The following ALPL variants were observed in gnomAD, a reference collection of about 807,000 sequenced individuals.
ALPL encodes the protein alkaline phosphatase, tissue-nonspecific isozyme.
A neutral mutation model predicts 51.3 loss-of-function variants in ALPL; 42 were observed. That is an observed-to-expected ratio of 0.82 (90% CI 0.64 to 1.06). The LOEUF is 1.06. ALPL is among the 50% of genes least tolerant of loss of function. ALPL has a pLI of 0.00. For synonymous variants in ALPL, 279 were observed against 296.4 expected (o/e 0.94, Z 0.60); for missense variants, 589 against 709.4 (o/e 0.83, Z 1.93).
Position 21,577,743 on chromosome 1 carries a change from C to T in ALPL, c.*95C>T, listed in dbSNP as rs1338873876. On this transcript the variant is annotated 3_prime_UTR_variant, in exon 12 of 12. Coordinates refer to ENST00000374840, the MANE Select transcript of ALPL (RefSeq NM_000478.6). Reference sequence around the variant, plus strand: ...AGGGGCAGGGAGGTGGGGGCCTCCTCAGCCTCTGCAACTGCAAGAAAGGGG... The same window carrying T: ...AGGGGCAGGGAGGTGGGGGCCTCCTTAGCCTCTGCAACTGCAAGAAAGGGG... 6.8e-7 allele frequency: 1 copy of T among 1,462,648 alleles called. No individual in the cohort carries two copies. The highest frequency in any genetic ancestry group is 9.2e-7 in the Non-Finnish European group (1 of 1,091,632). The allele number at this position is 1,462,648 out of a possible 1,614,324, so 90.6% of individuals were successfully genotyped here.
chr1:21,515,707 G>T (rs1356323161), intron 1 of ALPL, among the ~76,000 whole-genome samples: 1 of 152,104 alleles, frequency 6.6e-6, no homozygotes, highest in Non-Finnish European at 1.5e-5. Flanking sequence ...TTTTTGTTGG[G>T]TCAACCTCTT....
chr1:21,565,087 GA>G (rs1644544524), intron 6 of ALPL, among the ~76,000 whole-genome samples: 1 of 152,124 alleles, frequency 6.6e-6, no homozygotes, highest in Non-Finnish European at 1.5e-5. Context: ...GAGGGGCAGA[GA>G]AAGCCCCCCT....
Position 21,568,163 on chromosome 1 carries a change from TGA to T in ALPL, c.712_713del (p.Ser238Ter). 6.2e-7 allele frequency: 1 copy of T among 1,613,962 alleles called. No homozygotes were observed. Among genetic ancestry groups the T allele is most frequent in the Non-Finnish European group, 8.5e-7 (1 of 1,179,990 alleles). ...CCAAGAATAAAACTGATGTGGAGTA[TGA>T]GAGTGACGAGAAAGCCAGGGGCACG... ...YPKNKTDVEY[E>X]SDEKARGTRL... On this transcript the variant is annotated frameshift_variant, in exon 7 of 12. Coordinates refer to ENST00000374840, the MANE Select transcript of ALPL (RefSeq NM_000478.6). LOFTEE classifies it high-confidence loss of function.
At chr1:21,511,598 CAT>C (rs1024259458) in intron 1 of ALPL, among the ~76,000 whole-genome samples, 13 of 152,220 alleles carry the variant, frequency 8.5e-5, no homozygotes, top group African/African-American at 3.1e-4. Context: ...TTGGGCTACA[CAT>C]GTGGGGTGGC....
chr1:21,551,861 G>A lies in ALPL; in HGVS notation c.-104-2117G>A, dbSNP rs553404063. On this transcript the variant is annotated intron_variant, in intron 1 of 11. Transcript: ENST00000374840. ...CTGCCTCAGCCTCCTGAGTAGCTGG[G>A]ACTACAGGCGCCCGCTACCTCTCCC... is the stretch of plus-strand genomic sequence containing the variant. Among the ~76,000 whole-genome samples the A allele has an allele frequency of 1.4e-3, 219 of 151,426 alleles. 1 individual carries two copies. Among genetic ancestry groups the A allele is most frequent in the African/African-American group, 4.4e-3 (183 of 41,296 alleles).
rs543688672 is a variant in ALPL at position 21,570,276 on chromosome 1, G to C, written c.793-29G>C. The C allele has an allele frequency of 6.5e-5, 104 of 1,611,860 alleles. 1 individual carries two copies. In the South Asian group the frequency reaches 1.1e-3, roughly 17 times the overall value. On this transcript the variant is annotated intron_variant, in intron 7 of 11. Transcript: ENST00000374840. ...TCCTTCCGACTCTCCCTAGCCCCCG[G>C]CATGTGCTGACACAGCCCTTCCTCC...
At chr1:21,554,799 G>GTCTTTCTT (rs1304886870) in intron 2 of ALPL, among the ~76,000 whole-genome samples, 56 of 41,326 alleles carry the variant, frequency 1.4e-3, no homozygotes, top group East Asian at 1.8e-3. Context: ...CTGTCTGTCT[G>GTCTTTCTT]TCTGTCTGTC....
At chr1:21,535,104 G>T (rs1263296928) in intron 1 of ALPL, among the ~76,000 whole-genome samples, 1 of 152,234 alleles carries the variant, frequency 6.6e-6, no homozygotes, top group African/African-American at 2.4e-5. Context: ...CAGTGTTCCA[G>T]CGAATGTTGG....
At position 21,576,599 on chromosome 1, in the gene ALPL, G is replaced by A; in HGVS notation, c.1267G>A (p.Val423Met). Reference protein sequence around the residue: ...ILYGNGPGYKVVGGERENVSM... With the variant: ...ILYGNGPGYKMVGGERENVSM... ...GTATGGCAATGGGCCTGGCTACAAG[G>A]TGGTGGGCGGTGAACGAGAGAATGT... The change falls in exon 11 of 12, where the codon GTG (valine) becomes ATG (methionine). Residue 423 changes from valine (V) to methionine (M), a missense_variant. Val to Met is a conservative substitution (Grantham distance 21). Transcript: ENST00000374840. The A allele has an allele frequency of 1.2e-6, 2 of 1,613,998 alleles. No homozygotes were observed.
chr1:21,562,598 G>A (rs1227138531), intron 4 of ALPL, among the ~76,000 whole-genome samples: 3 of 152,122 alleles, frequency 2.0e-5, no homozygotes, highest in Admixed American at 6.5e-5. Context: ...CTAAACATCC[G>A]GATGTAGGGC....
chr1:21,526,290 C>T (rs935367352), intron 1 of ALPL, among the ~76,000 whole-genome samples: 3 of 152,002 alleles, frequency 2.0e-5, no homozygotes, highest in Non-Finnish European at 2.9e-5. Flanking sequence ...CAGGCATGTA[C>T]CACCATACCT....
intron 1 of ALPL, among the ~76,000 whole-genome samples, chr1:21,541,489 T>A (rs1299804771): frequency 2.0e-5 from 3 of 152,210 alleles, no homozygotes; most frequent in African/African-American, 4.8e-5. Context: ...CCATCATCCT[T>A]CCACCTAGCG....
intron 1 of ALPL, among the ~76,000 whole-genome samples, chr1:21,550,667 A>G (rs547609413): frequency 6.6e-6 from 1 of 152,054 alleles, no homozygotes; most frequent in Non-Finnish European, 1.5e-5. Context: ...CATAAACCGA[A>G]CCGCACCAGC....
At chr1:21,576,237 TG>T (rs1372567852) in intron 10 of ALPL, among the ~76,000 whole-genome samples, 24 of 146,426 alleles carry the variant, frequency 1.6e-4, no homozygotes, top group African/African-American at 5.3e-4. Context: ...GATGGATGGA[TG>T]GATGGATGGA....
chr1:21,551,717 TG>T (rs1420595078), intron 1 of ALPL, among the ~76,000 whole-genome samples: 2 of 121,326 alleles, frequency 1.6e-5, no homozygotes, highest in Non-Finnish European at 3.3e-5. Context: ...GCAGCTTGCG[TG>T]GTTTTTTTTT....
chr1:21,548,847 C>T (rs1252853910), intron 1 of ALPL, among the ~76,000 whole-genome samples: 2 of 152,174 alleles, frequency 1.3e-5, no homozygotes, highest in South Asian at 2.1e-4. Context: ...TGTCCTTGTA[C>T]GTTACACAGC....
chr1:21,525,207 T>G (rs1437414477), intron 1 of ALPL, among the ~76,000 whole-genome samples: 2 of 152,318 alleles, frequency 1.3e-5, no homozygotes, highest in East Asian at 3.9e-4. Flanking sequence ...ATTTGAATAA[T>G]CAAGTGTTTC....
intron 1 of ALPL, among the ~76,000 whole-genome samples, chr1:21,513,018 AGTC>A (rs1643722157): frequency 1.3e-5 from 2 of 152,250 alleles, no homozygotes; most frequent in South Asian, 2.1e-4. Flanking sequence ...TTTCACAAAA[AGTC>A]GTAGTGTTCT....
chr1:21,533,935 AAAGAAGAAG>A (rs58697375), intron 1 of ALPL, among the ~76,000 whole-genome samples: 6 of 100,444 alleles, frequency 6.0e-5, no homozygotes, highest in South Asian at 4.7e-4. Context: ...AAAAAAAAAA[AAAGAAGAAG>A]AAGAAGAAGA....
Sources: gnomAD v4.1 joint callset for allele counts (sites outside exome capture counted in the v4.1 genomes callset) on GRCh38, gnomAD v4.1.1 for gene constraint, MANE v1.5 for transcripts, NCBI Gene and HGNC (gene_info 2026-07-23, HGNC 2026-07-21) for gene names.